Variants in RETREG1 observed in about 807,000 individuals in gnomAD.
The protein encoded by RETREG1 is family with sequence similarity 134 member B.
In RETREG1, 44 loss-of-function variants were observed where a neutral mutation model predicts 54.8. That is an observed-to-expected ratio of 0.80 (90% confidence interval 0.63 to 1.03). The LOEUF is 1.03. Among genes scored for constraint, RETREG1 ranks in the 50% least tolerant of loss-of-function variants. The pLI is 0.00. For missense variants in RETREG1, 554 were observed against 605.1 expected, an observed-to-expected ratio of 0.92 and a Z score of 0.89; for synonymous variants, 217 against 238.5, an observed-to-expected ratio of 0.91 and a Z score of 0.83.
chr5:16,525,400 G>A (rs1010373306), intron 3 of RETREG1, among the ~76,000 whole-genome samples: 3 of 152,136 alleles, frequency 2.0e-5, no homozygotes, highest in Non-Finnish European at 1.5e-5. Context: ...CCCCCGCCAC[G>A]AAAGTGCAGC....
intron 3 of RETREG1, among the ~76,000 whole-genome samples, chr5:16,501,190 T>C (rs1410356204): frequency 1.3e-5 from 2 of 152,348 alleles, no homozygotes; most frequent in South Asian, 4.1e-4. Flanking sequence ...CCATATTTAA[T>C]CTATAAAACA....
intron 3 of RETREG1, among the ~76,000 whole-genome samples, chr5:16,541,803 A>AAAGGG (rs1437214449): frequency 1.3e-5 from 2 of 150,426 alleles, no homozygotes; most frequent in Non-Finnish European, 3.0e-5. Context: ...GAAGGAAAGG[A>AAAGGG]AGGAAGGGGA....
At chr5:16,563,589 G>A (rs1165178620) in intron 3 of RETREG1, among the ~76,000 whole-genome samples, 1 of 151,990 alleles carries the variant, frequency 6.6e-6, no homozygotes, top group African/African-American at 2.4e-5. Flanking sequence ...CATGGAGCTG[G>A]CAAACAAAAA....
At chr5:16,554,280 C>T (rs892992872) in intron 3 of RETREG1, among the ~76,000 whole-genome samples, 12 of 152,206 alleles carry the variant, frequency 7.9e-5, no homozygotes, top group Non-Finnish European at 1.8e-4. Context: ...CGTTGAGCCT[C>T]GCTTGTTTCT....
intron 3 of RETREG1, among the ~76,000 whole-genome samples, chr5:16,517,180 T>C (rs183910678): frequency 6.6e-6 from 1 of 152,116 alleles, no homozygotes; most frequent in African/African-American, 2.4e-5. Flanking sequence ...AGGAGGAAGA[T>C]ATATCTAATA....
intron 1 of RETREG1, among the ~76,000 whole-genome samples, chr5:16,601,389 TTC>T (rs1491401242): frequency 1.3e-5 from 2 of 148,460 alleles, no homozygotes; most frequent in African/African-American, 5.2e-5. Context: ...AGGAGGAATT[TTC>T]TTTTTTTTTT....
intron 1 of RETREG1, among the ~76,000 whole-genome samples, chr5:16,574,015 G>A (rs1742263117): frequency 6.6e-6 from 1 of 152,170 alleles, no homozygotes; most frequent in African/African-American, 2.4e-5. Context: ...CCAAAGTGCT[G>A]GGATTACAGG....
At chr5:16,532,311 G>T (rs1200328027) in intron 3 of RETREG1, among the ~76,000 whole-genome samples, 1 of 152,216 alleles carries the variant, frequency 6.6e-6, no homozygotes, top group Non-Finnish European at 1.5e-5. Context: ...CAGATCACGA[G>T]GTCAGGAGTT....
chr5:16,608,512 C>T (rs937666609), intron 1 of RETREG1, among the ~76,000 whole-genome samples: 5 of 152,200 alleles, frequency 3.3e-5, no homozygotes, highest in Non-Finnish European at 7.3e-5. Context: ...CTATTCCAAA[C>T]CTCCCTCATC....
intron 3 of RETREG1, among the ~76,000 whole-genome samples, chr5:16,518,155 AT>A (rs1740418665): frequency 6.7e-6 from 1 of 148,164 alleles, no homozygotes; most frequent in African/African-American, 2.5e-5. Context: ...CAATATATGT[AT>A]TTATATATAA....
At chr5:16,562,712 TTCAAGAGGAGGCA>T (rs770774965) in intron 3 of RETREG1, among the ~76,000 whole-genome samples, 42 of 152,190 alleles carry the variant, frequency 2.8e-4, no homozygotes, top group Non-Finnish European at 3.8e-4. Flanking sequence ...TCAGACAAAT[TTCAAGAGGAGGCA>T]TCAATGACTA....
intron 1 of RETREG1, among the ~76,000 whole-genome samples, chr5:16,606,931 G>A (rs1743206207): frequency 6.6e-6 from 1 of 152,110 alleles, no homozygotes; most frequent in Non-Finnish European, 1.5e-5. Flanking sequence ...CCCAGCCCCA[G>A]CCACAATGGC....
intron 5 of RETREG1, among the ~76,000 whole-genome samples, chr5:16,480,455 C>T (rs1187673601): frequency 1.3e-5 from 2 of 152,000 alleles, no homozygotes; most frequent in African/African-American, 4.8e-5. Context: ...TTTGTACTTT[C>T]ATTTCTTTTG....
At chr5:16,586,114 G>A (rs558994303) in intron 1 of RETREG1, among the ~76,000 whole-genome samples, 29 of 152,178 alleles carry the variant, frequency 1.9e-4, no homozygotes, top group African/African-American at 1.4e-4. Flanking sequence ...CTGCAATGTC[G>A]TGCAGGATGG....
intron 1 of RETREG1, among the ~76,000 whole-genome samples, chr5:16,586,126 A>G (rs552694576): frequency 6.6e-6 from 1 of 152,380 alleles, no homozygotes; most frequent in East Asian, 1.9e-4. Context: ...GCAGGATGGT[A>G]AGAGGGAAGA....
chr5:16,558,523 T>C (rs193188634), intron 3 of RETREG1, among the ~76,000 whole-genome samples: 110 of 152,342 alleles, frequency 7.2e-4, no homozygotes, highest in African/African-American at 2.6e-3. Flanking sequence ...AAGATTTTCT[T>C]TTAAACTCAT....
Position 16,585,278 on chromosome 5 carries a change from AG to A in RETREG1, c.321-13177del, listed in dbSNP as rs765227693. ...AGATAAGACAGTGGGGAGGAGCAGC[AG>A]GGAGTTTGTATTCTGTTTGCGTTCT... On this transcript the variant is annotated intron_variant, in intron 1 of 8. Transcript: ENST00000306320. The surrounding 1 kb of genome is among the most constrained non-coding windows in gnomAD (Gnocchi z 4.5). 3.3e-5 allele frequency among the ~76,000 whole-genome samples: 5 copies of A among 152,296 alleles called. No individual in the cohort carries two copies. Among genetic ancestry groups the A allele is most frequent in the African/African-American group, 7.2e-5 (3 of 41,568 alleles).
intron 1 of RETREG1, among the ~76,000 whole-genome samples, chr5:16,606,622 T>C (rs752597171): frequency 4.6e-5 from 7 of 151,968 alleles, no homozygotes; most frequent in Admixed American, 2.0e-4. Flanking sequence ...ATCTAGCCCA[T>C]AGCCTAAGTC....
intron 3 of RETREG1, among the ~76,000 whole-genome samples, chr5:16,493,018 G>A (rs1739310953): frequency 6.6e-6 from 1 of 152,170 alleles, no homozygotes; most frequent in Admixed American, 6.5e-5. Context: ...GGCTTTTTCT[G>A]CCTGGAGAAG....
Sources: allele counts gnomAD v4.1 joint callset (sites outside exome capture counted in the v4.1 genomes callset), GRCh38; gene constraint gnomAD v4.1.1; non-coding constraint Gnocchi (gnomAD v3.1); transcripts MANE v1.5; gene names NCBI Gene and HGNC (gene_info 2026-07-23, HGNC 2026-07-21).